Variants in ENPEP observed in about 807,000 individuals in gnomAD.
The protein encoded by ENPEP is glutamyl aminopeptidase.
A neutral mutation model predicts 114.5 loss-of-function variants in ENPEP; 103 were observed. The observed-to-expected ratio is 0.90, with a 90% CI of 0.77 to 1.06. The LOEUF is 1.06. Among genes scored for constraint, ENPEP ranks in the 50% least tolerant of loss-of-function variants. ENPEP has a pLI of 0.00. For missense variants in ENPEP, 1,196 were observed against 1,161.3 expected (o/e 1.03, Z -0.43); for synonymous variants, 420 against 422.0 (o/e 1.00, Z 0.06).
intron 1 of ENPEP, among the ~76,000 whole-genome samples, chr4:110,483,460 CT>C (rs1353020977): frequency 1.3e-5 from 2 of 151,892 alleles, no homozygotes; most frequent in Non-Finnish European, 2.9e-5. Flanking sequence ...AATTAGGTAC[CT>C]TTTTTGGTTT....
At chr4:110,526,999 T>G (rs1196142883) in intron 10 of ENPEP, among the ~76,000 whole-genome samples, 3 of 152,212 alleles carry the variant, frequency 2.0e-5, no homozygotes, top group Admixed American at 6.5e-5. Flanking sequence ...CCATATTTAT[T>G]CAGAAGAGAA....
chr4:110,515,268 A>G (rs1297381574), intron 7 of ENPEP, 109 bp from the exon 8 acceptor site: 3 of 886,542 alleles, frequency 3.4e-6, no homozygotes, highest in African/African-American at 3.4e-5. Flanking sequence ...ATCTTGAGGA[A>G]CTAATCTCAC....
chr4:110,503,873 A>G (rs899324186), intron 3 of ENPEP, among the ~76,000 whole-genome samples: 3 of 152,202 alleles, frequency 2.0e-5, no homozygotes, highest in Non-Finnish European at 4.4e-5. Flanking sequence ...TTGGGCTATG[A>G]TCCAGTAGAT....
At position 110,562,483 on chromosome 4, in the gene ENPEP, C is replaced by G. The variant is rs1400214112; in HGVS notation, c.*925C>G. ...AGAGAAGGCAGATTATTTCTTAAAACTAAATGGAATTAGAATTTAGCTTTG... is the reference window on the plus strand; with the variant it reads ...AGAGAAGGCAGATTATTTCTTAAAAGTAAATGGAATTAGAATTTAGCTTTG... On this transcript the variant is annotated 3_prime_UTR_variant, in exon 20 of 20. Coordinates refer to ENST00000265162, the MANE Select transcript of ENPEP (RefSeq NM_001977.4). 2 of 152,082 alleles carry G rather than the reference C, an allele frequency of 1.3e-5. No individual in the cohort carries two copies. The highest frequency in any genetic ancestry group is 4.8e-5 in the African/African-American group (2 of 41,428). 9.4% of individuals were successfully genotyped at this position (152,082 alleles called of 1,614,324 possible).
At position 110,532,559 on chromosome 4, in the gene ENPEP, T is replaced by G. The variant is rs116715587; in HGVS notation, c.1807+1282T>G. Among the ~76,000 whole-genome samples, 924 of 152,332 alleles carry G rather than the reference T, an allele frequency of 6.1e-3. 9 individuals are homozygous for G. The highest frequency in any genetic ancestry group is 0.01 in the Non-Finnish European group (687 of 68,014). ...TTGTCTGTTATGAATAATGCTGCTA[T>G]AAACATTTGTGTATAAGTTTTTCTG... On this transcript the variant is annotated intron_variant, in intron 11 of 19. Transcript: ENST00000265162.
intron 11 of ENPEP, among the ~76,000 whole-genome samples, chr4:110,540,506 A>G (rs1726810405): frequency 6.6e-6 from 1 of 152,196 alleles, no homozygotes; most frequent in African/African-American, 2.4e-5. Context: ...AGTTCTACTC[A>G]TTATGTAACT....
intron 3 of ENPEP, among the ~76,000 whole-genome samples, chr4:110,494,110 C>T (rs768167337): frequency 2.6e-5 from 4 of 152,088 alleles, no homozygotes; most frequent in Admixed American, 6.5e-5. Flanking sequence ...CAAAAAGTGA[C>T]GAGAAAACGA....
In ENPEP at chr4:110,476,410, C is replaced by T. The variant is rs775439998; in HGVS notation, c.-5C>T. On this transcript the variant is annotated 5_prime_UTR_variant, in exon 1 of 20. Coordinates refer to ENST00000265162, the MANE Select transcript of ENPEP (RefSeq NM_001977.4). ...TATGTGTAACACTTGACTTTGGAAGCAAAAATGAACTTTGCGGAGAGAGAG... is the reference window on the plus strand; with the variant it reads ...TATGTGTAACACTTGACTTTGGAAGTAAAAATGAACTTTGCGGAGAGAGAG... 1.3e-6 allele frequency: 2 copies of T among 1,510,588 alleles called. No homozygotes were observed. The highest frequency in any genetic ancestry group is 4.6e-5 in the East Asian group (2 of 43,790). The allele number at this position is 1,510,588 out of a possible 1,614,324, so 93.6% of individuals were successfully genotyped here.
chr4:110,552,248 C>T (rs1373771775), intron 17 of ENPEP, among the ~76,000 whole-genome samples: 1 of 152,168 alleles, frequency 6.6e-6, no homozygotes, highest in African/African-American at 2.4e-5. Context: ...CACAAAAGTA[C>T]ATGCTGAACT....
rs767666321 is a variant in ENPEP at position 110,513,426 on chromosome 4, G to A, written c.1320G>A (p.Met440Ile). Residue 440 changes from methionine (M) to isoleucine (I), a missense_variant, in exon 7 of 20, where the codon ATG (methionine) becomes ATA (isoleucine). By Grantham distance (10) the Met-to-Ile change is conservative (BLOSUM62 1). Transcript: ENST00000265162. ...AETDWQMRDQMLLEDVLPVQE... is the reference protein window; with the variant it reads ...AETDWQMRDQILLEDVLPVQE... ...TTCTTTCATTTCAGCGTGACCAAAT[G>A]TTACTTGAAGATGTATTACCTGTTC... The A allele has an allele frequency of 6.8e-5, 109 of 1,610,854 alleles. No homozygotes were observed. The highest frequency in any genetic ancestry group is 8.6e-5 in the Non-Finnish European group (101 of 1,178,650).
chr4:110,553,243 T>C, intron 17 of ENPEP, 72 bp from the exon 18 acceptor site: 2 of 1,347,426 alleles, frequency 1.5e-6, no homozygotes, highest in Non-Finnish European at 2.0e-6. Flanking sequence ...AAAACTATTT[T>C]GTATTGGAAT....
At position 110,479,822 on chromosome 4, in the gene ENPEP, T is replaced by C. The variant is rs569449173; in HGVS notation, c.644+2764T>C. On this transcript the variant is annotated intron_variant, in intron 1 of 19. Transcript: ENST00000265162. ...GAGAAATTTTATCTGAATAAAACCA[T>C]CAAAATATTTATAAAATAATAAAAT... Among the ~76,000 whole-genome samples, 3 of 152,150 alleles carry C rather than the reference T, an allele frequency of 2.0e-5. No homozygotes were observed. The South Asian group carries it at 6.2e-4, about 32-fold the overall frequency.
At chr4:110,495,973 G>T (rs1435728802) in intron 3 of ENPEP, among the ~76,000 whole-genome samples, 1 of 152,202 alleles carries the variant, frequency 6.6e-6, no homozygotes, top group Non-Finnish European at 1.5e-5. Flanking sequence ...GCTGGTGGAA[G>T]ATATTATCCA....
chr4:110,535,309 G>T (rs552093732), intron 11 of ENPEP, among the ~76,000 whole-genome samples: 6 of 152,284 alleles, frequency 3.9e-5, no homozygotes, highest in African/African-American at 1.4e-4. Context: ...AGACTGTCCA[G>T]TCAGTTTCTA....
intron 10 of ENPEP, among the ~76,000 whole-genome samples, chr4:110,524,725 A>G (rs1726130934): frequency 6.6e-6 from 1 of 152,168 alleles, no homozygotes; most frequent in African/African-American, 2.4e-5. Flanking sequence ...CAATTCCAGT[A>G]TGTCATTTTC....
intron 1 of ENPEP, among the ~76,000 whole-genome samples, chr4:110,481,337 T>C (rs1450769257): frequency 6.6e-6 from 1 of 151,948 alleles, no homozygotes; most frequent in Non-Finnish European, 1.5e-5. Context: ...GTTCAAGTGA[T>C]CCTCCCACCT....
intron 3 of ENPEP, among the ~76,000 whole-genome samples, chr4:110,498,629 G>A (rs1310726610): frequency 6.6e-6 from 1 of 152,156 alleles, no homozygotes; most frequent in African/African-American, 2.4e-5. Context: ...TAAGGATGTG[G>A]ATCCAGGGCA....
At chr4:110,485,569 T>C (rs566691151) in intron 1 of ENPEP, among the ~76,000 whole-genome samples, 12 of 152,306 alleles carry the variant, frequency 7.9e-5, no homozygotes, top group African/African-American at 2.9e-4. Context: ...CAGTCTGTAA[T>C]AGAATTTTAT....
Position 110,507,415 on chromosome 4 carries a change from C to A in ENPEP, c.1039+658C>A, listed in dbSNP as rs1725411773. ...CTATTAACAAAGACTTTAAATATAA[C>A]ACCCATATAGATGTTTGTAGGGATG... On this transcript the variant is annotated intron_variant, in intron 4 of 19. Transcript: ENST00000265162. Among the ~76,000 whole-genome samples the A allele has an allele frequency of 5.3e-5, 8 of 152,332 alleles. No individual in the cohort carries two copies. In the South Asian group the frequency reaches 1.7e-3, roughly 32 times the overall value.
Sources: allele counts gnomAD v4.1 joint callset (sites outside exome capture counted in the v4.1 genomes callset), GRCh38; gene constraint gnomAD v4.1.1; transcripts MANE v1.5; gene names NCBI Gene and HGNC (gene_info 2026-07-23, HGNC 2026-07-21).